Variants in RPH3AL observed in about 807,000 individuals in gnomAD.
The protein encoded by RPH3AL is rabphilin 3A like (without C2 domains).
RPH3AL carries 38 observed loss-of-function variants against 43.1 expected under a neutral mutation model. The ratio of observed to expected loss-of-function variants is 0.88; its 90% confidence interval spans 0.68 to 1.15. The LOEUF (loss-of-function observed/expected upper bound fraction) is 1.15, where lower values mean the gene tolerates loss of function less well. RPH3AL is among the 50% of genes most tolerant of loss of function. RPH3AL has a pLI of 0.00. For synonymous variants in RPH3AL, 189 were observed against 176.3 expected, an observed-to-expected ratio of 1.07 and a Z score of -0.57; for missense variants, 462 against 423.2, an observed-to-expected ratio of 1.09 and a Z score of -0.81.
intron 5 of RPH3AL, among the ~76,000 whole-genome samples, chr17:316,302 C>T (rs1229769137): frequency 1.4e-5 from 2 of 147,564 alleles, no homozygotes; most frequent in East Asian, 2.1e-4. Flanking sequence ...TGTGCTCCAC[C>T]TCCATTGACC....
At chr17:321,643 C>T (rs898033584) in intron 3 of RPH3AL, 9 of 465,214 alleles carry the variant, frequency 1.9e-5, no homozygotes, top group Non-Finnish European at 2.6e-5. Context: ...TTCCGTGTGC[C>T]GGGGTTGGGA....
At chr17:286,967 C>CCTCTCTCCACCGTCAGACCTCACTCCCT (rs2042933524) in intron 5 of RPH3AL, among the ~76,000 whole-genome samples, 2 of 23,382 alleles carry the variant, frequency 8.6e-5, no homozygotes, top group Admixed American at 4.5e-4. Flanking sequence ...GACCTCGCAC[C>CCTCTCTCCACCGTCAGACCTCACTCCCT]CTCTCTCCAC....
chr17:223,844 G>A (rs1567562933), intron 7 of RPH3AL, among the ~76,000 whole-genome samples: 1 of 152,200 alleles, frequency 6.6e-6, no homozygotes, highest in Non-Finnish European at 1.5e-5. Flanking sequence ...TGAAGACCTG[G>A]AAGACTCTCA....
intron 5 of RPH3AL, among the ~76,000 whole-genome samples, chr17:304,930 C>T (rs1221770738): frequency 1.0e-5 from 1 of 95,964 alleles, no homozygotes; most frequent in Non-Finnish European, 2.2e-5. Context: ...AGGCACAGGG[C>T]GAGAGGGGGA....
chr17:302,687 T>C (rs2043358873), intron 5 of RPH3AL, among the ~76,000 whole-genome samples: 1 of 152,134 alleles, frequency 6.6e-6, no homozygotes, highest in South Asian at 2.1e-4. Flanking sequence ...CCAGCAGGTG[T>C]GTGAGCCGCC....
intron 6 of RPH3AL, among the ~76,000 whole-genome samples, chr17:280,541 A>G (rs1299341499): frequency 2.0e-5 from 3 of 152,212 alleles, no homozygotes; most frequent in Non-Finnish European, 4.4e-5. Flanking sequence ...CTGCAAAACT[A>G]TTCAGCTAGA....
chr17:227,333 G>C (rs1483575008), intron 7 of RPH3AL, among the ~76,000 whole-genome samples: 1 of 151,688 alleles, frequency 6.6e-6, no homozygotes, highest in Non-Finnish European at 1.5e-5. Flanking sequence ...ACGGAGCGGG[G>C]GGAAGAGTCT....
In RPH3AL at chr17:225,408, G is replaced by T. The variant is rs1268483962; in HGVS notation, c.614-5672C>A. 6.6e-6 allele frequency among the ~76,000 whole-genome samples: 1 copy of T among 152,252 alleles called. No individual in the cohort carries two copies. Among genetic ancestry groups the T allele is most frequent in the Non-Finnish European group, 1.5e-5 (1 of 68,028 alleles). ...TGAATCCACCAAGACTGGACCTCAT[G>T]GGTGTCAGTTTTATAAGCATTTCTG... On this transcript the variant is annotated intron_variant, in intron 7 of 9. Coordinates refer to ENST00000331302, the MANE Select transcript of RPH3AL (RefSeq NM_006987.4). The surrounding 1 kb of genome is among the most constrained non-coding windows in gnomAD (Gnocchi z 4.4).
intron 5 of RPH3AL, among the ~76,000 whole-genome samples, chr17:301,051 C>T (rs1218905693): frequency 6.6e-6 from 1 of 152,264 alleles, no homozygotes; most frequent in African/African-American, 2.4e-5. Context: ...GTGGGACAGA[C>T]CAGGGCAAGG....
intron 5 of RPH3AL, among the ~76,000 whole-genome samples, chr17:314,333 A>G (rs745657540): frequency 6.6e-6 from 1 of 151,872 alleles, no homozygotes; most frequent in Non-Finnish European, 1.5e-5. Flanking sequence ...GAGGAAGCAC[A>G]CTGCCAGCTC....
chr17:220,715 C>A (rs1163658582), intron 7 of RPH3AL, among the ~76,000 whole-genome samples: 13 of 47,766 alleles, frequency 2.7e-4, no homozygotes, highest in East Asian at 6.7e-4. Flanking sequence ...AGACAATAGA[C>A]CCAAGCACAT....
chr17:283,092 AC>A lies in RPH3AL; in HGVS notation c.352-1239del, dbSNP rs1026670149. Among the ~76,000 whole-genome samples the A allele has an allele frequency of 1.3e-5, 2 of 152,100 alleles. No homozygotes were observed. The highest frequency in any genetic ancestry group is 1.3e-4 in the Admixed American group (2 of 15,270). On this transcript the variant is annotated intron_variant, in intron 5 of 9. Coordinates refer to ENST00000331302, the MANE Select transcript of RPH3AL (RefSeq NM_006987.4). This position sits in a 1 kb window ranked among gnomAD's most constrained non-coding sequence, Gnocchi z 4.2. ...CAGCGATCGCTGGCGACTCCTCAGG[AC>A]TGTTGCCCCAGCTCATCCATCTTTC... is the stretch of plus-strand genomic sequence containing the variant.
chr17:259,184 T>A (rs986514062), intron 6 of RPH3AL, among the ~76,000 whole-genome samples: 1 of 152,216 alleles, frequency 6.6e-6, no homozygotes, highest in African/African-American at 2.4e-5. Context: ...CCAGCATGGC[T>A]GGTGATCTGG....
chr17:318,528 A>G (rs1043527087), intron 5 of RPH3AL, among the ~76,000 whole-genome samples: 1 of 152,226 alleles, frequency 6.6e-6, no homozygotes, highest in Non-Finnish European at 1.5e-5. Context: ...AAATCCCGTT[A>G]TAATAGCTGT....
At chr17:351,051 C>T (rs907364191) in intron 1 of RPH3AL, among the ~76,000 whole-genome samples, 4 of 152,192 alleles carry the variant, frequency 2.6e-5, no homozygotes, top group African/African-American at 9.7e-5. Flanking sequence ...ACTCCATGTA[C>T]AACTTCTGAA....
At chr17:219,192 CTTTTT>C (rs796389217) in intron 8 of RPH3AL, among the ~76,000 whole-genome samples, 9 of 58,018 alleles carry the variant, frequency 1.6e-4, no homozygotes, top group African/African-American at 5.5e-4. Flanking sequence ...ATAAACAGCA[CTTTTT>C]TTTTTTTTTT....
intron 3 of RPH3AL, chr17:321,696 A>G (rs1195063496): frequency 5.8e-5 from 23 of 397,192 alleles, no homozygotes; most frequent in Non-Finnish European, 8.6e-5. Flanking sequence ...TGCCGGGGAC[A>G]AGGCACATGG....
intron 8 of RPH3AL, among the ~76,000 whole-genome samples, chr17:219,285 A>G (rs1476542799): frequency 1.7e-5 from 2 of 120,886 alleles, no homozygotes; most frequent in Non-Finnish European, 3.2e-5. Flanking sequence ...ATCAACCTCC[A>G]CCCCCTGGAT....
intron 5 of RPH3AL, among the ~76,000 whole-genome samples, chr17:297,544 C>T (rs143015311): frequency 1.7e-4 from 26 of 152,266 alleles, no homozygotes; most frequent in East Asian, 5.8e-4. Flanking sequence ...GAATGTGCTG[C>T]GGATCGGGCG....
Sources: gnomAD v4.1 joint callset for allele counts (sites outside exome capture counted in the v4.1 genomes callset) on GRCh38, gnomAD v4.1.1 for gene constraint, Gnocchi (gnomAD v3.1) non-coding constraint, MANE v1.5 for transcripts, NCBI Gene and HGNC (gene_info 2026-07-23, HGNC 2026-07-21) for gene names.